The following FAT3 variants were observed in gnomAD, a reference collection of about 807,000 sequenced individuals.
FAT3 encodes the protein FAT atypical cadherin 3.
In FAT3, 95 loss-of-function variants were observed where a neutral mutation model predicts 310.2. The observed-to-expected ratio is 0.31, with a 90% CI of 0.26 to 0.36. FAT3 has a LOEUF of 0.36. FAT3 is among the 10% of genes least tolerant of loss of function. The pLI, the probability that FAT3 is intolerant of heterozygous loss-of-function variation, is 1.00. For missense variants in FAT3, 5,408 were observed against 5,715.6 expected (o/e 0.95, Z 1.74); for synonymous variants, 2,314 against 2,192.9 (o/e 1.06, Z -1.54).
chr11:92,634,954 T>G (rs1591545933), intron 3 of FAT3, among the ~76,000 whole-genome samples: 1 of 152,194 alleles, frequency 6.6e-6, no homozygotes, highest in African/African-American at 2.4e-5. Context: ...TCTTTCCCTC[T>G]GAGCACCCAC....
intron 2 of FAT3, among the ~76,000 whole-genome samples, chr11:92,439,644 G>A (rs572153489): frequency 6.6e-6 from 1 of 152,188 alleles, no homozygotes; most frequent in South Asian, 2.1e-4. Context: ...GGCCAGGCAT[G>A]GTGGCTTACA....
intron 1 of FAT3, among the ~76,000 whole-genome samples, chr11:92,343,024 T>C (rs1948308126): frequency 6.6e-6 from 1 of 152,204 alleles, no homozygotes; most frequent in African/African-American, 2.4e-5. Context: ...ACTGATGAAA[T>C]GATACTTGAC....
intron 3 of FAT3, among the ~76,000 whole-genome samples, chr11:92,562,186 A>G (rs527238542): frequency 6.8e-4 from 103 of 152,250 alleles, no homozygotes; most frequent in African/African-American, 2.3e-3. Flanking sequence ...ACATATATGA[A>G]TCAGTACTTG....
At chr11:92,277,691 G>T (rs1391802397) in intron 1 of FAT3, among the ~76,000 whole-genome samples, 1 of 152,028 alleles carries the variant, frequency 6.6e-6, no homozygotes, top group Non-Finnish European at 1.5e-5. Context: ...TAGACACTGG[G>T]AATACTAGAG....
At chr11:92,890,085 C>T (rs1336997303) in intron 27 of FAT3, among the ~76,000 whole-genome samples, 194 bp downstream of exon 27, 4 of 152,318 alleles carry the variant, frequency 2.6e-5, no homozygotes, top group East Asian at 3.9e-4. Context: ...TGTGTTTCAC[C>T]CATTTGCCTG....
intron 2 of FAT3, among the ~76,000 whole-genome samples, chr11:92,412,732 T>TATATACAC (rs1565296339): frequency 0.017 from 307 of 17,930 alleles, 24 homozygotes; most frequent in South Asian, 0.042. Context: ...TATATATATA[T>TATATACAC]ATATATATAT....
chr11:92,451,590 A>G (rs1488562394), intron 2 of FAT3, among the ~76,000 whole-genome samples: 2 of 152,328 alleles, frequency 1.3e-5, no homozygotes, highest in East Asian at 1.9e-4. Flanking sequence ...CGTTAGTTAC[A>G]TATGACTGTG....
intron 4 of FAT3, among the ~76,000 whole-genome samples, chr11:92,713,476 A>G (rs547204968): frequency 1.3e-5 from 2 of 152,312 alleles, no homozygotes; most frequent in African/African-American, 4.8e-5. Context: ...AAATAAAGTA[A>G]GCCAGGATTC....
At chr11:92,634,042 G>C (rs989969573) in intron 3 of FAT3, among the ~76,000 whole-genome samples, 1 of 152,200 alleles carries the variant, frequency 6.6e-6, no homozygotes, top group Non-Finnish European at 1.5e-5. Flanking sequence ...TGACAAGGAA[G>C]TGAGACACCT....
At chr11:92,681,854 A>T (rs558271343) in intron 3 of FAT3, among the ~76,000 whole-genome samples, 1 of 152,272 alleles carries the variant, frequency 6.6e-6, no homozygotes, top group South Asian at 2.1e-4. Flanking sequence ...AGGGAGGAGG[A>T]GGGGGGCCCA....
chr11:92,490,446 C>T (rs1366498721), intron 2 of FAT3, among the ~76,000 whole-genome samples: 1 of 152,122 alleles, frequency 6.6e-6, no homozygotes, highest in Non-Finnish European at 1.5e-5. Context: ...TAGGCTGTCT[C>T]CTCTCCTTTC....
At chr11:92,589,840 G>A (rs1312825592) in intron 3 of FAT3, among the ~76,000 whole-genome samples, 1 of 152,046 alleles carries the variant, frequency 6.6e-6, no homozygotes, top group Non-Finnish European at 1.5e-5. Context: ...GTCATAAAGG[G>A]ATGCTTAAAT....
intron 4 of FAT3, among the ~76,000 whole-genome samples, chr11:92,754,627 C>CAAAAAAAAAAAA (rs71064722): frequency 0.23 from 7,164 of 31,702 alleles, 979 homozygotes; most frequent in Non-Finnish European, 0.26. Flanking sequence ...GACTCTGCCT[C>CAAAAAAAAAAAA]AAAAAAAAAA....
At chr11:92,276,647 G>A (rs1946281128) in intron 1 of FAT3, among the ~76,000 whole-genome samples, 1 of 152,156 alleles carries the variant, frequency 6.6e-6, no homozygotes, top group Admixed American at 6.5e-5. Flanking sequence ...CAACGAGTAT[G>A]TATAGAGTAG....
intron 2 of FAT3, among the ~76,000 whole-genome samples, chr11:92,412,880 A>G (rs1368786577): frequency 1.3e-5 from 2 of 151,166 alleles, no homozygotes; most frequent in Non-Finnish European, 1.5e-5. Context: ...CCTTCCCTAT[A>G]GTCGATATCC....
intron 26 of FAT3, 150 bp downstream of exon 26, chr11:92,889,398 A>G (rs1949865300): frequency 2.4e-6 from 1 of 414,534 alleles, no homozygotes; most frequent in East Asian, 3.5e-5. Context: ...CTGTTTTAAA[A>G]TTTTGAAAAA....
At chr11:92,241,838 T>C (rs1864680570) in intron 1 of FAT3, among the ~76,000 whole-genome samples, 1 of 152,056 alleles carries the variant, frequency 6.6e-6, no homozygotes, top group Non-Finnish European at 1.5e-5. Flanking sequence ...AAACTTGCCA[T>C]GTTTTAAATG....
At chr11:92,483,784 TC>T (rs1952300129) in intron 2 of FAT3, among the ~76,000 whole-genome samples, 1 of 152,206 alleles carries the variant, frequency 6.6e-6, no homozygotes, top group African/African-American at 2.4e-5. Flanking sequence ...TTGCATAGTA[TC>T]TGGCACAGAG....
chr11:92,767,109 C>G (rs1257348966), intron 6 of FAT3, among the ~76,000 whole-genome samples: 1 of 152,018 alleles, frequency 6.6e-6, no homozygotes, highest in Non-Finnish European at 1.5e-5. Context: ...ATTAGCTGGG[C>G]ATGATGGCGG....
Sources: allele counts gnomAD v4.1 joint callset (sites outside exome capture counted in the v4.1 genomes callset), GRCh38; gene constraint gnomAD v4.1.1; transcripts MANE v1.5; gene names NCBI Gene and HGNC (gene_info 2026-07-23, HGNC 2026-07-21).